The following KIF13B variants were observed in gnomAD, a reference collection of about 807,000 sequenced individuals.
The protein encoded by KIF13B is kinesin-like protein KIF13B.
A neutral mutation model predicts 222.0 loss-of-function variants in KIF13B; 127 were observed. The observed-to-expected ratio is 0.57, with a 90% confidence interval of 0.50 to 0.66. The LOEUF is 0.66. Among genes scored for constraint, KIF13B ranks in the 30% least tolerant of loss-of-function variants. The pLI is 0.00. For synonymous variants in KIF13B, 976 were observed against 919.0 expected, an observed-to-expected ratio of 1.06 and a Z score of -1.12; for missense variants, 2,173 against 2,379.0, an observed-to-expected ratio of 0.91 and a Z score of 1.80.
chr8:29,169,232 C>G (rs1812134295), intron 10 of KIF13B, among the ~76,000 whole-genome samples: 1 of 152,218 alleles, frequency 6.6e-6, no homozygotes, highest in Non-Finnish European at 1.5e-5. Context: ...TTCGATTTAT[C>G]ACAGAGCCTG....
chr8:29,216,885 C>A (rs1198336172), intron 2 of KIF13B, among the ~76,000 whole-genome samples: 1 of 152,054 alleles, frequency 6.6e-6, no homozygotes, highest in African/African-American at 2.4e-5. Flanking sequence ...TTCAGGTTCC[C>A]CGTGCAAATC....
chr8:29,119,459 G>A (rs997366596), intron 29 of KIF13B, among the ~76,000 whole-genome samples: 10 of 152,100 alleles, frequency 6.6e-5, no homozygotes, highest in African/African-American at 2.4e-4. Context: ...CCCGAGCCTG[G>A]CCCTCCCCAC....
chr8:29,221,022 G>T (rs1814719356), intron 2 of KIF13B, among the ~76,000 whole-genome samples: 1 of 151,402 alleles, frequency 6.6e-6, no homozygotes, highest in African/African-American at 2.4e-5. Context: ...TGCACCTGTA[G>T]TGTCACCTAC....
intron 2 of KIF13B, among the ~76,000 whole-genome samples, chr8:29,233,634 C>A (rs1815382275): frequency 6.6e-6 from 1 of 152,192 alleles, no homozygotes; most frequent in Non-Finnish European, 1.5e-5. Flanking sequence ...GCAATAACAG[C>A]TTTTGTTTAT....
In KIF13B at chr8:29,155,758, G is replaced by A; in HGVS notation, c.1503C>T (p.Gly501=). 6.2e-7 allele frequency: 1 copy of A among 1,604,326 alleles called. No homozygotes were observed. ...EHCIIDITSE[G]QVMLTPQKNT... ...TCTTCTGAGGAGTCAGCATAACCTG[G>A]CCTTCTGACGTGATGTCTATAATAC... is the stretch of plus-strand genomic sequence containing the variant. Residue 501 remains glycine (G), a synonymous_variant, in exon 14 of 40, where the codon GGC becomes GGT. Transcript: ENST00000524189.
At chr8:29,109,870 C>T in intron 33 of KIF13B, 48 bp downstream of exon 33, 2 of 1,588,604 alleles carry the variant, frequency 1.3e-6, no homozygotes, top group Non-Finnish European at 1.7e-6. Flanking sequence ...ACAGACTCAG[C>T]CTGCATCAGG....
rs80127762 is a variant in KIF13B, at chr8:29,216,948, G to T, written c.150-20749C>A. 5.8e-3 allele frequency among the ~76,000 whole-genome samples: 870 copies of T among 150,194 alleles called. 8 individuals carry two copies. Among genetic ancestry groups the T allele is most frequent in the African/African-American group, 0.021 (845 of 40,722 alleles). The stretch of plus-strand genomic sequence containing the variant: ...CATATCTGGGCCTGTGTCCATCGAC[G>T]TATATTCAGTCCAAAAAAAAAAAAA... On this transcript the variant is annotated intron_variant, in intron 2 of 39. Coordinates refer to ENST00000524189, the MANE Select transcript of KIF13B (RefSeq NM_015254.4).
intron 17 of KIF13B, 140 bp from the exon 18 acceptor site, chr8:29,146,680 G>A (rs1811075778): frequency 4.1e-6 from 3 of 728,164 alleles, no homozygotes; most frequent in Non-Finnish European, 6.8e-6. Context: ...CAGGGACTGT[G>A]TTGCTGACAC....
intron 37 of KIF13B, among the ~76,000 whole-genome samples, chr8:29,090,857 G>T (rs1808266857): frequency 6.6e-6 from 1 of 152,090 alleles, no homozygotes; most frequent in Non-Finnish European, 1.5e-5. Flanking sequence ...ATAGCCTCCT[G>T]TGTAGCTATG....
chr8:29,240,201 T>C (rs1422895194), intron 2 of KIF13B, among the ~76,000 whole-genome samples: 2 of 151,354 alleles, frequency 1.3e-5, no homozygotes, highest in African/African-American at 4.9e-5. Context: ...CTTTTTCGAG[T>C]CACCCTTCTG....
chr8:29,263,142 C>G, upstream of KIF13B: 2 of 992,160 alleles, frequency 2.0e-6, no homozygotes, highest in Admixed American at 5.0e-5. Flanking sequence ...GGGGTGGGGA[C>G]CGGGCTGGGG....
intron 1 of KIF13B, among the ~76,000 whole-genome samples, chr8:29,247,803 C>T (rs1205536268): frequency 1.4e-5 from 2 of 138,816 alleles, no homozygotes; most frequent in African/African-American, 5.4e-5. Context: ...TACTGCACTC[C>T]AGCCTAGGTG....
chr8:29,165,699 C>T lies in KIF13B; in HGVS notation c.1232G>A (p.Trp411Ter). 1 of 1,613,774 alleles carries T rather than the reference C, an allele frequency of 6.2e-7. No individual in the cohort carries two copies. The highest frequency in any genetic ancestry group is 8.5e-7 in the Non-Finnish European group (1 of 1,179,666). The change falls in exon 12 of 40, where the codon TGG (tryptophan) becomes TAG (stop). Residue 411 changes from tryptophan (W) to a stop codon, truncating the protein, a stop_gained. Coordinates refer to ENST00000524189, the MANE Select transcript of KIF13B (RefSeq NM_015254.4). LOFTEE classifies it high-confidence loss of function. Reference sequence around the variant, plus strand: ...CTCCGTTTTCCTTAATTTCTCCTCCCAGGTCACAGTCATTTCCTGGATTAG... The same window carrying T: ...CTCCGTTTTCCTTAATTTCTCCTCCTAGGTCACAGTCATTTCCTGGATTAG... ...EKLIQEMTVT[W>*]EEKLRKTEEI...
At chr8:29,103,124 C>G (rs1224573368) in intron 35 of KIF13B, among the ~76,000 whole-genome samples, 1 of 151,846 alleles carries the variant, frequency 6.6e-6, no homozygotes, top group Non-Finnish European at 1.5e-5. Flanking sequence ...CGCCTGTAGT[C>G]CCAGCTACTC....
At chr8:29,235,788 T>C (rs1267043826) in intron 2 of KIF13B, among the ~76,000 whole-genome samples, 1 of 152,216 alleles carries the variant, frequency 6.6e-6, no homozygotes, top group East Asian at 1.9e-4. Flanking sequence ...GGAGCAGGCT[T>C]GAAGATCGGT....
intron 2 of KIF13B, among the ~76,000 whole-genome samples, chr8:29,198,069 C>T (rs940936230): frequency 6.6e-6 from 1 of 152,104 alleles, no homozygotes; most frequent in Admixed American, 6.5e-5. Flanking sequence ...AAATTTAATA[C>T]TTATTTGTAT....
At chr8:29,197,059 C>T (rs10106049) in intron 2 of KIF13B, among the ~76,000 whole-genome samples, 20,045 of 151,936 alleles carry the variant, frequency 0.13, 1,473 homozygotes, top group South Asian at 0.15. Context: ...TCAATATGGC[C>T]GGGCGCGGTG....
At position 29,075,322 on chromosome 8, in the gene KIF13B, G is replaced by A. The variant is rs867385353; in HGVS notation, c.4480C>T (p.Gln1494Ter). The change falls in exon 38 of 40, where the codon CAG becomes TAG. Residue 1494 changes from glutamine (Q) to a stop codon, truncating the protein, a stop_gained. Transcript: ENST00000524189. LOFTEE classifies it high-confidence loss of function. ...ACCCTGATGTCCGGGCTGGCTGACT[G>A]CACCATGATGCGGGGCACGGGCTGA... ...AHQPVPRIMV[Q>*]SASPDIRVTR... The A allele has an allele frequency of 1.9e-6, 3 of 1,559,684 alleles. No homozygotes were observed. The highest frequency in any genetic ancestry group is 2.6e-6 in the Non-Finnish European group (3 of 1,151,296).
chr8:29,081,014 C>A lies in KIF13B; in HGVS notation c.4459-5671G>T, dbSNP rs2133502223. On this transcript the variant is annotated intron_variant, in intron 37 of 39. Coordinates refer to ENST00000524189, the MANE Select transcript of KIF13B (RefSeq NM_015254.4). ...TGACCATGTCCCATGTCGCTCGCCA[C>A]CTTGCAGCTGCCAGGGTTTCCCACT... Among the ~76,000 whole-genome samples the A allele has an allele frequency of 2.0e-5, 3 of 152,356 alleles. No individual in the cohort carries two copies. In the South Asian group the frequency reaches 6.2e-4, roughly 32 times the overall value.
Sources: gnomAD v4.1 joint callset for allele counts (sites outside exome capture counted in the v4.1 genomes callset) on GRCh38, gnomAD v4.1.1 for gene constraint, MANE v1.5 for transcripts, NCBI Gene and HGNC (gene_info 2026-07-23, HGNC 2026-07-21) for gene names.